The following ZC3H11A variants were observed in gnomAD, a reference collection of about 807,000 sequenced individuals.
The protein encoded by ZC3H11A is zinc finger CCCH-type containing 11A.
In ZC3H11A, 22 loss-of-function variants were observed where a neutral mutation model predicts 90.8. The observed-to-expected ratio is 0.24, with a 90% CI of 0.17 to 0.35. The LOEUF (loss-of-function observed/expected upper bound fraction) is 0.35. Ranked by LOEUF, ZC3H11A falls within the 10% of genes least tolerant of loss-of-function variation. The pLI is 1.00. For synonymous variants in ZC3H11A, 294 were observed against 339.8 expected (o/e 0.87, Z 1.48); for missense variants, 701 against 964.9 (o/e 0.73, Z 3.62).
At chr1:203,824,665 G>C (rs11240568) in intron 4 of ZC3H11A, among the ~76,000 whole-genome samples, 39,127 of 152,080 alleles carry the variant, frequency 0.26, 5,313 homozygotes, top group East Asian at 0.34. Context: ...TTTTCATGAT[G>C]TATTTGGTTC....
At chr1:203,798,352 C>G (rs1370447502) in intron 1 of ZC3H11A, 1 of 1,535,308 alleles carries the variant, frequency 6.5e-7, no homozygotes, top group African/African-American at 1.4e-5. Context: ...TACACTGATC[C>G]TCAGCACATC....
At chr1:203,798,795 T>C in intron 1 of ZC3H11A, 4 of 1,536,152 alleles carry the variant, frequency 2.6e-6, no homozygotes, top group Non-Finnish European at 3.5e-6. Flanking sequence ...TATGCATCCT[T>C]ACAACTATTT....
In ZC3H11A at chr1:203,847,389, G is replaced by A. The variant is rs1252857605; in HGVS notation, c.1248G>A (p.Arg416=). 1 of 1,613,854 alleles carries A rather than the reference G, an allele frequency of 6.2e-7. No individual in the cohort carries two copies. The highest frequency in any genetic ancestry group is 1.1e-5 in the South Asian group (1 of 91,070). ...AGGTCCTGGCTGAAAAAAAACATCG[G>A]CAGCAGGAAGCAGAGAGACAAAAAA... is the stretch of plus-strand genomic sequence containing the variant. The part of the protein sequence containing the change: ...FSEVLAEKKH[R]QQEAERQKSK... The change falls in exon 13 of 18, where the codon CGG becomes CGA. Residue 416 remains arginine (R), a synonymous_variant. Coordinates refer to ENST00000367210, the MANE Select transcript of ZC3H11A (RefSeq NM_001376342.1).
chr1:203,807,357 C>T (rs938640193), intron 2 of ZC3H11A, among the ~76,000 whole-genome samples: 13 of 152,182 alleles, frequency 8.5e-5, no homozygotes, highest in African/African-American at 3.1e-4. Context: ...GTGATCATAG[C>T]TCAGTGCAAC....
chr1:203,836,409 G>A (rs931739261), intron 10 of ZC3H11A, among the ~76,000 whole-genome samples: 3 of 152,054 alleles, frequency 2.0e-5, no homozygotes, highest in South Asian at 2.1e-4. Flanking sequence ...CTAAAAAACC[G>A]TTTTTAAAAA....
intron 1 of ZC3H11A, chr1:203,798,194 T>A: frequency 1.3e-6 from 2 of 1,536,088 alleles, no homozygotes; most frequent in Non-Finnish European, 1.7e-6. Context: ...ATCCATTAGA[T>A]GATAATAGAA....
rs548922898 is a variant in ZC3H11A, at chr1:203,841,753, C to T, written c.1042+1379C>T. ...GGCCGGGCAGAGGCGCCCCCCACCT[C>T]CCAGACGGGGCAGTGGCCGGGTGGA... On this transcript the variant is annotated intron_variant, in intron 12 of 17. Transcript: ENST00000367210. Among the ~76,000 whole-genome samples, 967 of 152,060 alleles carry T rather than the reference C, an allele frequency of 6.4e-3. 4 individuals are homozygous for T. Among genetic ancestry groups the T allele is most frequent in the Non-Finnish European group, 9.6e-3 (652 of 67,954 alleles).
At chr1:203,798,547 T>C (rs1212728818) in intron 1 of ZC3H11A, 65 of 1,536,146 alleles carry the variant, frequency 4.2e-5, no homozygotes, top group Non-Finnish European at 5.7e-5. Flanking sequence ...AGAAGTGATC[T>C]CTTGAGTGAT....
At chr1:203,837,640 A>G (rs1015184837) in intron 10 of ZC3H11A, among the ~76,000 whole-genome samples, 10 of 151,624 alleles carry the variant, frequency 6.6e-5, no homozygotes, top group African/African-American at 2.4e-4. Flanking sequence ...ATGCCTGACT[A>G]TTTTTTATTT....
At position 203,818,044 on chromosome 1, in the gene ZC3H11A, G is replaced by T. The variant is rs191514326; in HGVS notation, c.55-526G>T. Among the ~76,000 whole-genome samples the T allele has an allele frequency of 2.0e-3, 299 of 152,178 alleles. 2 individuals carry two copies. Among genetic ancestry groups the T allele is most frequent in the Admixed American group, 4.7e-3 (72 of 15,276 alleles). On this transcript the variant is annotated intron_variant, in intron 3 of 17. Coordinates refer to ENST00000367210, the MANE Select transcript of ZC3H11A (RefSeq NM_001376342.1). ...TTACAGGCGTGAGCCCCCACGCCCG[G>T]TGATATTATGTTTTAAATGATGAGT...
rs983743777 is a variant in ZC3H11A, at chr1:203,802,262, G to A, written c.-900G>A. On this transcript the variant is annotated 5_prime_UTR_variant, in exon 2 of 18. Transcript: ENST00000367210. ...GATATATGTGTAAGGATTTACCTTC[G>A]TCTTTATTTTGTGGGCTGGGCAAAA... 5 of 152,362 alleles carry A rather than the reference G, an allele frequency of 3.3e-5. No homozygotes were observed. Among genetic ancestry groups the A allele is most frequent in the East Asian group, 1.9e-4 (1 of 5,194 alleles). The allele number at this position is 152,362 out of a possible 1,614,324, so 9.4% of individuals were successfully genotyped here.
intron 4 of ZC3H11A, among the ~76,000 whole-genome samples, chr1:203,819,813 C>T (rs1677887332): frequency 6.6e-6 from 1 of 151,194 alleles, no homozygotes; most frequent in Admixed American, 6.6e-5. Flanking sequence ...GGATTACAGG[C>T]ATGAGCCACC....
intron 12 of ZC3H11A, among the ~76,000 whole-genome samples, chr1:203,842,534 C>T (rs1002558108): frequency 2.0e-5 from 3 of 151,482 alleles, no homozygotes; most frequent in Non-Finnish European, 4.4e-5. Flanking sequence ...TTGCAGTGAG[C>T]CGAGATGGCA....
intron 10 of ZC3H11A, among the ~76,000 whole-genome samples, chr1:203,834,777 G>A (rs1392521330): frequency 6.6e-6 from 1 of 152,134 alleles, no homozygotes; most frequent in African/African-American, 2.4e-5. Flanking sequence ...AGCCTCTCAA[G>A]TAGCTGGGAT....
At chr1:203,842,382 C>T (rs971087661) in intron 12 of ZC3H11A, among the ~76,000 whole-genome samples, 16 of 152,296 alleles carry the variant, frequency 1.1e-4, no homozygotes, top group East Asian at 3.9e-4. Flanking sequence ...AGATCACTCG[C>T]GGTCAGGAGC....
intron 2 of ZC3H11A, among the ~76,000 whole-genome samples, chr1:203,811,089 C>T (rs12117535): frequency 0.49 from 73,267 of 149,596 alleles, 18,491 homozygotes; most frequent in Non-Finnish European, 0.53. Flanking sequence ...TGCAATGAGC[C>T]GAGATTGCGC....
chr1:203,807,163 C>T (rs1008597562), intron 2 of ZC3H11A, among the ~76,000 whole-genome samples: 7 of 152,154 alleles, frequency 4.6e-5, no homozygotes, highest in South Asian at 2.1e-4. Flanking sequence ...GCATGAGCTA[C>T]CATTCCTGAC....
chr1:203,841,930 G>T (rs1221138759), intron 12 of ZC3H11A, among the ~76,000 whole-genome samples: 1 of 147,892 alleles, frequency 6.8e-6, no homozygotes, highest in Non-Finnish European at 1.5e-5. Context: ...TGGGGTGGCG[G>T]TCGGGCAGAG....
chr1:203,838,291 G>A (rs1044141134), intron 11 of ZC3H11A, among the ~76,000 whole-genome samples: 1 of 152,156 alleles, frequency 6.6e-6, no homozygotes, highest in African/African-American at 2.4e-5. Flanking sequence ...ATAAATGGCA[G>A]GTAGGAATAC....
Sources: allele counts gnomAD v4.1 joint callset (sites outside exome capture counted in the v4.1 genomes callset), GRCh38; gene constraint gnomAD v4.1.1; transcripts MANE v1.5; gene names NCBI Gene and HGNC (gene_info 2026-07-23, HGNC 2026-07-21).